ING3: variants seen among roughly 807,000 people sequenced by gnomAD.
ING3 encodes inhibitor of growth family member 3.
ING3 carries 6 observed loss-of-function variants against 64.8 expected under a neutral mutation model. That is an observed-to-expected ratio of 0.09 (90% CI 0.05 to 0.18). The LOEUF is 0.18. ING3 is among the 10% of genes least tolerant of loss of function. The probability of loss-of-function intolerance (pLI) is 1.00; values close to 1 mark genes in which losing one functional copy is unlikely to be tolerated. For missense variants in ING3, 310 were observed against 489.7 expected, an observed-to-expected ratio of 0.63 and a Z score of 3.46; for synonymous variants, 170 against 173.7, an observed-to-expected ratio of 0.98 and a Z score of 0.17.
chr7:120,950,890 G>A lies in ING3; in HGVS notation c.-7G>A, dbSNP rs1379989827. 15 of 1,613,502 alleles carry A rather than the reference G, an allele frequency of 9.3e-6. No homozygotes were observed. In the East Asian group the frequency reaches 1.8e-4, roughly 19 times the overall value. ...ACCCCCTTGTTCCCTCAGCTCTAAGGGCCGCGATGTTGTACCTAGAAGACT... is the reference window on the plus strand; with the variant it reads ...ACCCCCTTGTTCCCTCAGCTCTAAGAGCCGCGATGTTGTACCTAGAAGACT... On this transcript the variant is annotated 5_prime_UTR_variant, in exon 1 of 12. Coordinates refer to ENST00000315870, the MANE Select transcript of ING3 (RefSeq NM_019071.3).
intron 4 of ING3, among the ~76,000 whole-genome samples, chr7:120,958,573 C>T (rs1779806907): frequency 6.6e-6 from 1 of 152,188 alleles, no homozygotes; most frequent in South Asian, 2.1e-4. Flanking sequence ...TTTATCAGCC[C>T]TTTCCTATTC....
chr7:120,967,559 C>T lies in ING3; in HGVS notation c.467C>T (p.Thr156Met), dbSNP rs199888903. The T allele has an allele frequency of 9.5e-6, 15 of 1,582,614 alleles. No individual in the cohort carries two copies. The highest frequency in any genetic ancestry group is 2.2e-5 in the East Asian group (1 of 44,544). ...KRKYNPTSHH[T>M]TTDHIPEKKF... is the part of the protein sequence containing the mutation. ...AAATATAATCCAACTTCTCACCATA[C>T]GACAACAGATCATATTCCTGAAAAG... Residue 156 changes from threonine (T) to methionine (M), a missense_variant, in exon 7 of 12, where the codon ACG becomes ATG. Physicochemically the swap from Thr to Met is moderately conservative, Grantham distance 81. This residue lies in a region of ING3 where 233 missense variants were observed against 289.4 expected (regional missense o/e 0.81). Coordinates refer to ENST00000315870, the MANE Select transcript of ING3 (RefSeq NM_019071.3).
Position 120,976,770 on chromosome 7 carries a change from G to T in ING3, c.*1926G>T, listed in dbSNP as rs1247141581. On this transcript the variant is annotated 3_prime_UTR_variant, in exon 12 of 12. Transcript: ENST00000315870. ...TATCCAGCTGCTACATCCCCTTTCA[G>T]TGTGAATTCCACTCCTTACCAAATC... 6.6e-6 allele frequency: 1 copy of T among 152,128 alleles called. No homozygotes were observed. The highest frequency in any genetic ancestry group is 1.9e-4 in the East Asian group (1 of 5,192). 9.4% of individuals were successfully genotyped at this position (152,128 alleles called of 1,614,324 possible).
chr7:120,953,720 C>T (rs1325935327), intron 3 of ING3, among the ~76,000 whole-genome samples: 4 of 152,022 alleles, frequency 2.6e-5, no homozygotes, highest in Non-Finnish European at 5.9e-5. Context: ...TGGCCACAAA[C>T]TAGGTAAATA....
At chr7:120,973,609 C>T (rs1212508463) in intron 11 of ING3, among the ~76,000 whole-genome samples, 3 of 152,010 alleles carry the variant, frequency 2.0e-5, no homozygotes, top group African/African-American at 7.2e-5. Context: ...TCAGGCTGCA[C>T]CGTGCTAAAG....
At chr7:120,973,271 A>G (rs1245006949) in intron 11 of ING3, 28 bp downstream of exon 11, 3 of 1,433,784 alleles carry the variant, frequency 2.1e-6, no homozygotes, top group South Asian at 1.2e-5. Context: ...CTATTTAGGA[A>G]TGAAAAAAAT....
At position 120,964,659 on chromosome 7, in the gene ING3, C is replaced by T. The variant is rs543802856; in HGVS notation, c.268-83C>T. On this transcript the variant is annotated intron_variant, in intron 4 of 11. Coordinates refer to ENST00000315870, the MANE Select transcript of ING3 (RefSeq NM_019071.3). ...TACTAAGCAGATTCACTAAAAGAAACAAAAATTTAGGTTTCCTCATTAAGC... is the reference window on the plus strand; with the variant it reads ...TACTAAGCAGATTCACTAAAAGAAATAAAAATTTAGGTTTCCTCATTAAGC... 7 of 1,068,184 alleles carry T rather than the reference C, an allele frequency of 6.6e-6. No individual in the cohort carries two copies. In the African/African-American group the frequency reaches 7.9e-5, roughly 12 times the overall value. The allele number at this position is 1,068,184 out of a possible 1,614,324, so 66.2% of individuals were successfully genotyped here.
At position 120,951,177 on chromosome 7, in the gene ING3, T is replaced by G. The variant is rs1328974372; in HGVS notation, c.42T>G (p.Leu14=). 6.2e-7 allele frequency: 1 copy of G among 1,614,162 alleles called. No homozygotes were observed. Among genetic ancestry groups the G allele is most frequent in the Non-Finnish European group, 8.5e-7 (1 of 1,180,022 alleles). Reference sequence around the variant, plus strand: ...TCCCTTTGACAGTGATTGAGCAGCTTCCTATGGATCTGCGGGACCGCTTCA... The same window carrying G: ...TCCCTTTGACAGTGATTGAGCAGCTGCCTATGGATCTGCGGGACCGCTTCA... ...LEDYLEMIEQ[L]PMDLRDRFTE... is the part of the protein sequence containing the mutation. The change falls in exon 2 of 12, where the codon CTT becomes CTG. Residue 14 remains leucine (L), a synonymous_variant. Transcript: ENST00000315870.
At chr7:120,961,429 C>T (rs1795932077) in intron 4 of ING3, among the ~76,000 whole-genome samples, 1 of 152,120 alleles carries the variant, frequency 6.6e-6, no homozygotes, top group African/African-American at 2.4e-5. Context: ...TCCGATAGGG[C>T]AAGCTAGACA....
Position 120,976,801 on chromosome 7 carries a change from G to GAA in ING3, c.*1960_*1961dup, listed in dbSNP as rs1276121075. The GAA allele has an allele frequency of 6.6e-6, 1 of 152,092 alleles. No individual in the cohort carries two copies. The highest frequency in any genetic ancestry group is 1.5e-5 in the Non-Finnish European group (1 of 68,016). 9.4% of individuals were successfully genotyped at this position (152,092 alleles called of 1,614,324 possible). On this transcript the variant is annotated 3_prime_UTR_variant, in exon 12 of 12. Coordinates refer to ENST00000315870, the MANE Select transcript of ING3 (RefSeq NM_019071.3). ...ATTCCACTCCTTACCAAATCACTTAGAAAACACTTTGACAAGTTTTAAACT... is the reference window on the plus strand; with the variant it reads ...ATTCCACTCCTTACCAAATCACTTAGAAAAAACACTTTGACAAGTTTTAAACT...
intron 4 of ING3, chr7:120,956,837 G>T: frequency 3.1e-6 from 3 of 966,758 alleles, no homozygotes; most frequent in Non-Finnish European, 3.7e-6. Context: ...TTTAGAGACT[G>T]CCTGCTTTTT....
intron 4 of ING3, among the ~76,000 whole-genome samples, chr7:120,959,150 T>A (rs1795895041): frequency 6.6e-6 from 1 of 152,206 alleles, no homozygotes; most frequent in South Asian, 2.1e-4. Context: ...AATGATGGTG[T>A]TCCTCAGGGT....
At chr7:120,974,054 G>A (rs905141691) in intron 11 of ING3, among the ~76,000 whole-genome samples, 1 of 152,062 alleles carries the variant, frequency 6.6e-6, no homozygotes, top group Non-Finnish European at 1.5e-5. Context: ...TGTGGTTGTT[G>A]CAAAAACAAT....
At chr7:120,971,284 T>C (rs747785995) in intron 10 of ING3, among the ~76,000 whole-genome samples, 2 of 152,178 alleles carry the variant, frequency 1.3e-5, no homozygotes, top group Non-Finnish European at 2.9e-5. Context: ...TGGAGACTGC[T>C]GCCTTCTCAC....
intron 4 of ING3, among the ~76,000 whole-genome samples, chr7:120,961,672 T>C (rs1795935583): frequency 6.6e-6 from 1 of 152,238 alleles, no homozygotes; most frequent in Admixed American, 6.5e-5. Context: ...AAATTTGCTA[T>C]GATCATGAGT....
intron 4 of ING3, among the ~76,000 whole-genome samples, chr7:120,957,776 A>G (rs1795872676): frequency 6.6e-6 from 1 of 152,268 alleles, no homozygotes; most frequent in South Asian, 2.1e-4. Flanking sequence ...TTAATAAAGC[A>G]TAAGAAATAC....
rs766117424 is a variant in ING3, at chr7:120,967,970, A to G, written c.593A>G (p.Asn198Ser). ...AATAATTCCACAGCCTCTTCTAACA[A>G]TGCCTACAATGTGAATTCCTCCCAA... ...RNNNSTASSN[N>S]AYNVNSSQPL... Residue 198 changes from asparagine (N) to serine (S), a missense_variant, in exon 8 of 12, where the codon AAT becomes AGT. By Grantham distance (46) the Asn-to-Ser change is conservative. Coordinates refer to ENST00000315870, the MANE Select transcript of ING3 (RefSeq NM_019071.3). The G allele has an allele frequency of 3.7e-6, 6 of 1,613,968 alleles. No homozygotes were observed. The highest frequency in any genetic ancestry group is 1.6e-4 in the Middle Eastern group (1 of 6,084).
rs913962793 is a variant in ING3 at position 120,976,935 on chromosome 7, C to T, written c.*2091C>T. ...AATATCTGAGTCATATATAATGGGG[C>T]CAAACATGGAACTACCTCATCAACC... On this transcript the variant is annotated 3_prime_UTR_variant, in exon 12 of 12. Transcript: ENST00000315870. 6.6e-6 allele frequency: 1 copy of T among 152,090 alleles called. No homozygotes were observed. Among genetic ancestry groups the T allele is most frequent in the African/African-American group, 2.4e-5 (1 of 41,400 alleles). The allele number at this position is 152,090 out of a possible 1,614,324, so 9.4% of individuals were successfully genotyped here. A position where few individuals can be genotyped will look rare whatever the true frequency, so the allele number is the denominator to read the frequency against.
At chr7:120,959,062 G>A (rs1284721680) in intron 4 of ING3, among the ~76,000 whole-genome samples, 3 of 152,098 alleles carry the variant, frequency 2.0e-5, no homozygotes, top group African/African-American at 4.8e-5. Context: ...TCTTGACCTT[G>A]TATTACCATG....
Sources: allele counts gnomAD v4.1 joint callset (sites outside exome capture counted in the v4.1 genomes callset), GRCh38; gene constraint gnomAD v4.1.1; regional missense constraint gnomAD v4.1.1; transcripts MANE v1.5; gene names NCBI Gene and HGNC (gene_info 2026-07-23, HGNC 2026-07-21).